CYP19A1: variants seen among roughly 807,000 people sequenced by gnomAD.
CYP19A1 encodes the protein aromatase.
In CYP19A1, 32 loss-of-function variants were observed where a neutral mutation model predicts 44.4. That is an observed-to-expected ratio of 0.72 (90% confidence interval 0.54 to 0.97). The LOEUF is 0.97. CYP19A1 is among the 50% of genes least tolerant of loss of function. CYP19A1 has a pLI of 0.00. For missense variants in CYP19A1, 598 were observed against 637.8 expected, an observed-to-expected ratio of 0.94 and a Z score of 0.67; for synonymous variants, 212 against 215.6, an observed-to-expected ratio of 0.98 and a Z score of 0.14.
At chr15:51,237,532 T>G (rs2141108198) in intron 2 of CYP19A1, among the ~76,000 whole-genome samples, 1 of 152,324 alleles carries the variant, frequency 6.6e-6, no homozygotes, top group African/African-American at 2.4e-5. Flanking sequence ...ACAAGGAGAA[T>G]GTCCAATCCA....
intron 1 of CYP19A1, among the ~76,000 whole-genome samples, chr15:51,274,166 A>G (rs533192174): frequency 7.9e-5 from 12 of 152,316 alleles, no homozygotes; most frequent in Non-Finnish European, 1.0e-4. Context: ...ATATACATCA[A>G]TAGTACCACA....
rs115187649 is a variant in CYP19A1, at chr15:51,329,828, T to C, written c.-39+8667A>G. Among the ~76,000 whole-genome samples, 1,306 of 152,234 alleles carry C rather than the reference T, an allele frequency of 8.6e-3. 19 individuals are homozygous for C. Among genetic ancestry groups the C allele is most frequent in the African/African-American group, 0.03 (1,258 of 41,524 alleles). On this transcript the variant is annotated intron_variant, in intron 1 of 9. Coordinates refer to ENST00000396402, the MANE Select transcript of CYP19A1 (RefSeq NM_000103.4). ...TTAGATGAGCAAGATACAGGAGTAT[T>C]CCCAAGGAGTTCACAGCCTAACAGG... is the stretch of plus-strand genomic sequence containing the variant.
intron 1 of CYP19A1, among the ~76,000 whole-genome samples, chr15:51,273,624 A>C (rs777775714): frequency 6.6e-6 from 1 of 152,140 alleles, no homozygotes; most frequent in Non-Finnish European, 1.5e-5. Context: ...GCCCTTGGGA[A>C]AATCACTTCA....
chr15:51,298,715 C>T (rs2036050098), intron 1 of CYP19A1, among the ~76,000 whole-genome samples: 1 of 152,224 alleles, frequency 6.6e-6, no homozygotes, highest in Non-Finnish European at 1.5e-5. Flanking sequence ...AATTTCCTGG[C>T]TTTCTGAGGA....
intron 9 of CYP19A1, chr15:51,211,603 C>T (rs1417355091): frequency 2.2e-5 from 9 of 404,926 alleles, no homozygotes; most frequent in African/African-American, 1.9e-4. Flanking sequence ...GACTGATTTA[C>T]ATAGCATTAT....
intron 8 of CYP19A1, among the ~76,000 whole-genome samples, chr15:51,213,965 C>G (rs546623642): frequency 1.3e-5 from 2 of 152,292 alleles, no homozygotes; most frequent in African/African-American, 4.8e-5. Flanking sequence ...TATTCTGTAT[C>G]CTTGCTATCT....
chr15:51,223,258 G>GGAATGAATGAAT (rs3842333), intron 4 of CYP19A1, among the ~76,000 whole-genome samples: 111 of 151,094 alleles, frequency 7.3e-4, no homozygotes, highest in African/African-American at 2.6e-3. Context: ...TTTCAATAGA[G>GGAATGAATGAAT]GAATGAATGA....
At chr15:51,215,382 C>T (rs1233513112) in intron 7 of CYP19A1, 150 bp from the exon 8 acceptor site, 1 of 1,333,198 alleles carries the variant, frequency 7.5e-7, no homozygotes, top group Non-Finnish European at 1.0e-6. Context: ...TTTTACATGA[C>T]AATCTTTAGC....
chr15:51,212,671 A>T, intron 8 of CYP19A1, 110 bp from the exon 9 acceptor site: 1 of 764,358 alleles, frequency 1.3e-6, no homozygotes, highest in Non-Finnish European at 2.3e-6. Flanking sequence ...GTTGAAAAAA[A>T]TTGTGGCTCT....
At chr15:51,335,665 A>G (rs915268868) in intron 1 of CYP19A1, among the ~76,000 whole-genome samples, 2 of 152,216 alleles carry the variant, frequency 1.3e-5, no homozygotes, top group Non-Finnish European at 2.9e-5. Context: ...GAGATCATAC[A>G]TGGTTTCCAT....
In CYP19A1 at chr15:51,210,942, C is replaced by T. The variant is rs372500474; in HGVS notation, c.1378G>A (p.Val460Met). 35 of 1,609,360 alleles carry T rather than the reference C, an allele frequency of 2.2e-5. No individual in the cohort carries two copies. The highest frequency in any genetic ancestry group is 2.0e-4 in the Admixed American group (12 of 59,986). Residue 460 changes from valine (V) to methionine (M), a missense_variant, in exon 10 of 10, where the codon GTG becomes ATG. Val to Met is a conservative substitution (Grantham distance 21). Transcript: ENST00000396402. The stretch of plus-strand genomic sequence containing the variant: ...ACACACTGTCCTTGCAATGTCTTCA[C>T]GTGGAATCGTCTCAGAAGTGTAACG... Reference protein sequence around the residue: ...ILVTLLRRFHVKTLQGQCVES... With the variant: ...ILVTLLRRFHMKTLQGQCVES...
At chr15:51,263,855 G>T (rs2034820405) in intron 1 of CYP19A1, among the ~76,000 whole-genome samples, 1 of 152,232 alleles carries the variant, frequency 6.6e-6, no homozygotes, top group East Asian at 1.9e-4. Flanking sequence ...AACCTGCTAG[G>T]CAGTGTGGAG....
intron 1 of CYP19A1, among the ~76,000 whole-genome samples, chr15:51,251,173 T>C (rs1005636585): frequency 1.3e-5 from 2 of 152,064 alleles, no homozygotes; most frequent in African/African-American, 4.8e-5. Context: ...TGGTGGTGTT[T>C]GTCGTTCCTC....
intron 2 of CYP19A1, among the ~76,000 whole-genome samples, chr15:51,237,235 A>G (rs187826473): frequency 6.6e-6 from 1 of 152,348 alleles, no homozygotes; most frequent in East Asian, 1.9e-4. Context: ...TTCAGTATCC[A>G]TACCACACTA....
intron 1 of CYP19A1, 129 bp from the exon 2 acceptor site, chr15:51,243,079 G>A: frequency 1.4e-6 from 1 of 696,242 alleles, no homozygotes; most frequent in East Asian, 2.6e-5. Flanking sequence ...AGACATTTAG[G>A]CAAGACTAAT....
At chr15:51,285,979 C>T (rs1288879836) in intron 1 of CYP19A1, among the ~76,000 whole-genome samples, 1 of 152,184 alleles carries the variant, frequency 6.6e-6, no homozygotes, top group Non-Finnish European at 1.5e-5. Flanking sequence ...TTACTTGCCC[C>T]CCATCCAGAC....
intron 5 of CYP19A1, among the ~76,000 whole-genome samples, chr15:51,220,611 C>T (rs917609568): frequency 6.6e-6 from 1 of 152,168 alleles, no homozygotes; most frequent in Non-Finnish European, 1.5e-5. Flanking sequence ...TCTATTGATA[C>T]ATAATGGATA....
At chr15:51,219,403 T>C (rs1420409326) in intron 5 of CYP19A1, among the ~76,000 whole-genome samples, 2 of 152,256 alleles carry the variant, frequency 1.3e-5, no homozygotes, top group Non-Finnish European at 2.9e-5. Context: ...TATTTCCAAC[T>C]GCTAAATACC....
At chr15:51,336,249 T>C (rs2036773041) in intron 1 of CYP19A1, among the ~76,000 whole-genome samples, 1 of 152,356 alleles carries the variant, frequency 6.6e-6, no homozygotes. Flanking sequence ...TCAGGAATGA[T>C]GCCTGGCTTT....
Sources: gnomAD v4.1 joint callset for allele counts (sites outside exome capture counted in the v4.1 genomes callset) on GRCh38, gnomAD v4.1.1 for gene constraint, MANE v1.5 for transcripts, NCBI Gene and HGNC (gene_info 2026-07-23, HGNC 2026-07-21) for gene names.